The following MMAA variants were observed in gnomAD, a reference collection of about 807,000 sequenced individuals.
MMAA encodes the protein metabolism of cobalamin associated A.
Under a neutral mutation model 45.0 loss-of-function variants are expected in MMAA, and 41 were observed. The observed-to-expected ratio is 0.91, with a 90% CI of 0.71 to 1.18. The LOEUF is 1.18. Ranked by LOEUF, MMAA falls within the 50% of genes most tolerant of loss-of-function variation. The pLI is 0.00. For synonymous variants in MMAA, 154 were observed against 178.2 expected (o/e 0.86, Z 1.08); for missense variants, 460 against 495.7 (o/e 0.93, Z 0.68).
At chr4:145,637,831 G>T (rs1261537727) in intron 1 of MMAA, among the ~76,000 whole-genome samples, 1 of 152,148 alleles carries the variant, frequency 6.6e-6, no homozygotes, top group Non-Finnish European at 1.5e-5. Context: ...ACTGTTCTAA[G>T]CTTTTTACAA....
At position 145,657,812 on chromosome 4, in the gene MMAA, A is replaced by G. The variant is rs886059104; in HGVS notation, c.*2378A>G. The G allele has an allele frequency of 2.0e-5, 3 of 152,218 alleles. No individual in the cohort carries two copies. 9.4% of individuals were successfully genotyped at this position (152,218 alleles called of 1,614,324 possible). ...TGTCCACCTAGAGCAGGACTATTTT[A>G]GTATTACATATAATCCTTGGATATA... On this transcript the variant is annotated 3_prime_UTR_variant, in exon 7 of 7. Transcript: ENST00000649156.
At chr4:145,647,604 T>G (rs545720757) in intron 4 of MMAA, among the ~76,000 whole-genome samples, 11 of 152,204 alleles carry the variant, frequency 7.2e-5, no homozygotes, top group African/African-American at 2.6e-4. Context: ...ATAGGGTTGG[T>G]TTTTCCTAAG....
At position 145,658,764 on chromosome 4, in the gene MMAA, T is replaced by C. The variant is rs901969597; in HGVS notation, c.*3330T>C. ...ATGCTCACCAGGTAGACTGCCATCA[T>C]AGAAGTCCTAATGCTACTGCTAAAA... On this transcript the variant is annotated 3_prime_UTR_variant, in exon 7 of 7. Coordinates refer to ENST00000649156, the MANE Select transcript of MMAA (RefSeq NM_172250.3). 1 of 150,634 alleles carries C rather than the reference T, an allele frequency of 6.6e-6. No homozygotes were observed. Among genetic ancestry groups the C allele is most frequent in the East Asian group, 1.9e-4 (1 of 5,156 alleles). The allele number at this position is 150,634 out of a possible 1,614,324, so 9.3% of individuals were successfully genotyped here. A position where few individuals can be genotyped will look rare whatever the true frequency, so the allele number is the denominator to read the frequency against.
In MMAA at chr4:145,655,475, A is replaced by AAAG. The variant is rs773712230; in HGVS notation, c.*42_*44dup. The AAAG allele has an allele frequency of 9.2e-6, 14 of 1,520,904 alleles. No individual in the cohort carries two copies. The highest frequency in any genetic ancestry group is 1.3e-5 in the Non-Finnish European group (14 of 1,113,052). 94.2% of individuals were successfully genotyped at this position (1,520,904 alleles called of 1,614,324 possible). ...ATAATAATTTTACATATCATTTCATAAAGTATTTTAATAGAAAAATCACTT... is the reference window on the plus strand; with the variant it reads ...ATAATAATTTTACATATCATTTCATAAAGAAGTATTTTAATAGAAAAATCACTT... On this transcript the variant is annotated 3_prime_UTR_variant, in exon 7 of 7. Coordinates refer to ENST00000649156, the MANE Select transcript of MMAA (RefSeq NM_172250.3).
intron 1 of MMAA, among the ~76,000 whole-genome samples, chr4:145,626,858 A>G (rs1380255680): frequency 6.6e-6 from 1 of 152,222 alleles, no homozygotes; most frequent in African/African-American, 2.4e-5. Context: ...AGATGCTCCA[A>G]AGAGTTGGGG....
At position 145,655,136 on chromosome 4, in the gene MMAA, CT is replaced by C; in HGVS notation, c.970-7del. On this transcript the variant is annotated splice_polypyrimidine_tract_variant and intron_variant, in intron 6 of 6. Coordinates refer to ENST00000649156, the MANE Select transcript of MMAA (RefSeq NM_172250.3). ...TTAAGTAAAATGGTCTGGTTCTTCC[CT>C]TTTCGATAGGTAATTCGTATTTCTG... is the stretch of plus-strand genomic sequence containing the variant. 1 of 1,613,804 alleles carries C rather than the reference CT, an allele frequency of 6.2e-7. No individual in the cohort carries two copies. Among genetic ancestry groups the C allele is most frequent in the Non-Finnish European group, 8.5e-7 (1 of 1,179,926 alleles).
At chr4:145,648,702 A>C (rs1187328540) in intron 4 of MMAA, among the ~76,000 whole-genome samples, 1 of 152,224 alleles carries the variant, frequency 6.6e-6, no homozygotes, top group South Asian at 2.1e-4. Context: ...AAAGAGACCT[A>C]GAGCGGGCAT....
rs145018955 is a variant in MMAA at position 145,651,089 on chromosome 4, C to T, written c.761C>T (p.Ala254Val). ...VGVGQSEFAV[A>V]DMVDMFVLLL... ...GTGGGTCAGTCGGAGTTTGCTGTTG[C>T]TGACATGGTTGACATGTTTGTTTTA... Residue 254 changes from alanine (A) to valine (V), a missense_variant, in exon 5 of 7, where the codon GCT (alanine) becomes GTT (valine). By Grantham distance (64) the Ala-to-Val change is moderately conservative (BLOSUM62 0). Transcript: ENST00000649156. 84 of 1,613,982 alleles carry T rather than the reference C, an allele frequency of 5.2e-5. No individual in the cohort carries two copies. Among genetic ancestry groups the T allele is most frequent in the Non-Finnish European group, 6.9e-5 (81 of 1,180,020 alleles).
chr4:145,630,980 T>TTAG (rs1490731741), intron 1 of MMAA, among the ~76,000 whole-genome samples: 1 of 152,228 alleles, frequency 6.6e-6, no homozygotes, highest in Non-Finnish European at 1.5e-5. Flanking sequence ...TTGTTATTGA[T>TTAG]TTCTAGTTTT....
At position 145,639,642 on chromosome 4, in the gene MMAA, A is replaced by T. The variant is rs539742744; in HGVS notation, c.439+64A>T. 108 of 1,536,626 alleles carry T rather than the reference A, an allele frequency of 7.0e-5. 1 individual carries two copies. Among genetic ancestry groups the T allele is most frequent in the Admixed American group, 2.1e-4 (10 of 47,808 alleles). The stretch of plus-strand genomic sequence containing the variant: ...ACAAATTCTCTGTATTCTGTTTTTT[A>T]AAAAAAAGTCTAAATAGTTTGCAAT... On this transcript the variant is annotated intron_variant, in intron 2 of 6. Coordinates refer to ENST00000649156, the MANE Select transcript of MMAA (RefSeq NM_172250.3).
intron 1 of MMAA, among the ~76,000 whole-genome samples, chr4:145,631,064 T>C (rs1306341316): frequency 2.6e-5 from 4 of 152,248 alleles, no homozygotes; most frequent in Non-Finnish European, 5.9e-5. Context: ...TTTTGTGAGC[T>C]AACATGTAGT....
chr4:145,639,580 T>G lies in MMAA; in HGVS notation c.439+2T>G. On this transcript the variant is annotated splice_donor_variant, in intron 2 of 6. Transcript: ENST00000649156. LOFTEE classifies it high-confidence loss of function. ...GAAAACCACTAGCATTTCGAGTAGG[T>G]CAGTCTTTTTTGTGTGTTTTCTCAG... 6.2e-7 allele frequency: 1 copy of G among 1,606,432 alleles called. No homozygotes were observed. The highest frequency in any genetic ancestry group is 8.5e-7 in the Non-Finnish European group (1 of 1,175,738).
intron 3 of MMAA, among the ~76,000 whole-genome samples, chr4:145,643,656 A>G (rs376831166): frequency 6.6e-6 from 1 of 152,134 alleles, no homozygotes; most frequent in African/African-American, 2.4e-5. Flanking sequence ...TTTTGCTCAC[A>G]AGGTTCAAAA....
chr4:145,653,878 G>C, intron 5 of MMAA, 116 bp from the exon 6 acceptor site: 1 of 1,097,378 alleles, frequency 9.1e-7, no homozygotes, highest in Non-Finnish European at 1.4e-6. Context: ...TTGGCATCCA[G>C]GGCTTAGGAG....
intron 1 of MMAA, among the ~76,000 whole-genome samples, chr4:145,623,189 A>G (rs1734124203): frequency 1.3e-5 from 2 of 152,200 alleles, no homozygotes; most frequent in Admixed American, 1.3e-4. Context: ...TTGGAGGTAC[A>G]GGTATACTGT....
intron 1 of MMAA, chr4:145,625,751 T>G: frequency 1.5e-6 from 2 of 1,339,514 alleles, no homozygotes. Context: ...ACTGGCCTGA[T>G]AACCAGTAGA....
At position 145,651,915 on chromosome 4, in the gene MMAA, C is replaced by A. The variant is rs538945064; in HGVS notation, c.819+768C>A. The stretch of plus-strand genomic sequence containing the variant: ...TGCATAGTTGACAATAGAGTTTGTG[C>A]TCCTATGAGAATCAAATGTTGTTGC... On this transcript the variant is annotated intron_variant, in intron 5 of 6. Coordinates refer to ENST00000649156, the MANE Select transcript of MMAA (RefSeq NM_172250.3). Among the ~76,000 whole-genome samples, 201 of 152,254 alleles carry A rather than the reference C, an allele frequency of 1.3e-3. 1 individual carries two copies. Among genetic ancestry groups the A allele is most frequent in the African/African-American group, 4.3e-3 (177 of 41,540 alleles).
intron 1 of MMAA, among the ~76,000 whole-genome samples, chr4:145,634,727 C>T (rs762696488): frequency 5.3e-5 from 8 of 151,892 alleles, no homozygotes; most frequent in Non-Finnish European, 1.0e-4. Context: ...TATGTAGTAC[C>T]TTGGTATTGC....
intron 1 of MMAA, among the ~76,000 whole-genome samples, chr4:145,630,178 C>T (rs1482760533): frequency 6.6e-6 from 1 of 152,128 alleles, no homozygotes; most frequent in African/African-American, 2.4e-5. Flanking sequence ...AATTTCATTA[C>T]TTGTTATTGG....
Sources: gnomAD v4.1 joint callset for allele counts (sites outside exome capture counted in the v4.1 genomes callset) on GRCh38, gnomAD v4.1.1 for gene constraint, MANE v1.5 for transcripts, NCBI Gene and HGNC (gene_info 2026-07-23, HGNC 2026-07-21) for gene names.